Variants in ALOX15B observed in about 807,000 individuals in gnomAD.
The protein encoded by ALOX15B is polyunsaturated fatty acid lipoxygenase ALOX15B.
ALOX15B carries 74 observed loss-of-function variants against 73.8 expected under a neutral mutation model. That is an observed-to-expected ratio of 1.00 (90% CI 0.83 to 1.22). The LOEUF is 1.22. Ranked by LOEUF, ALOX15B falls within the 50% of genes most tolerant of loss-of-function variation. The pLI, the probability that ALOX15B is intolerant of heterozygous loss-of-function variation, is 0.00. For synonymous variants in ALOX15B, 353 were observed against 357.2 expected, an observed-to-expected ratio of 0.99 and a Z score of 0.13; for missense variants, 896 against 859.9, an observed-to-expected ratio of 1.04 and a Z score of -0.52.
intron 5 of ALOX15B, among the ~76,000 whole-genome samples, chr17:8,043,281 G>C (rs1319222468): frequency 6.6e-6 from 1 of 152,210 alleles, no homozygotes; most frequent in Non-Finnish European, 1.5e-5. Context: ...CCCCAGGAAA[G>C]CTCTCCCAAG....
chr17:8,042,591 G>A, intron 4 of ALOX15B, 100 bp downstream of exon 4: 1 of 1,507,952 alleles, frequency 6.6e-7, no homozygotes, highest in Non-Finnish European at 9.1e-7. Flanking sequence ...AGTGATATGA[G>A]TCACATAGTC....
In ALOX15B at chr17:8,039,532, G is replaced by GA; in HGVS notation, c.294_295insA (p.Gly99ArgfsTer66). On this transcript the variant is annotated frameshift_variant, in exon 2 of 14. Transcript: ENST00000380183. LOFTEE classifies it high-confidence loss of function. ...GCTGGTTCCAGCTGACACCGCCGCG[G>GA]GGCGGCCACCTCCTCTTCCCCTGCT... 13 of 1,549,260 alleles carry GA rather than the reference G, an allele frequency of 8.4e-6. No homozygotes were observed. Among genetic ancestry groups the GA allele is most frequent in the Non-Finnish European group, 9.6e-6 (11 of 1,151,204 alleles).
At position 8,046,766 on chromosome 17, in the gene ALOX15B, G is replaced by A. The variant is rs369973254; in HGVS notation, c.1287+12G>A. ...AGGTGGTGGACAGGGTGAGAGCTGT[G>A]TTGGGGAGGGAGTAGGCAGGCCACT... is the stretch of plus-strand genomic sequence containing the variant. On this transcript the variant is annotated intron_variant, in intron 9 of 13. Transcript: ENST00000380183. 14 of 1,613,472 alleles carry A rather than the reference G, an allele frequency of 8.7e-6. No homozygotes were observed. The African/African-American group carries it at 1.5e-4, about 17-fold the overall frequency.
At position 8,045,329 on chromosome 17, in the gene ALOX15B, T is replaced by C; in HGVS notation, c.941T>C (p.Met314Thr). ...AAGCCTCAGTTCTCTGCGGCCCCAA[T>C]GACCCTGCTATACCAGAGCCCAGGC... is the stretch of plus-strand genomic sequence containing the variant. ...NGKPQFSAAP[M>T]TLLYQSPGCG... Residue 314 changes from methionine (M) to threonine (T), a missense_variant, in exon 7 of 14, where the codon ATG (methionine) becomes ACG (threonine). Physicochemically the swap from Met to Thr is moderately conservative, Grantham distance 81 (BLOSUM62 -1). Coordinates refer to ENST00000380183, the MANE Select transcript of ALOX15B (RefSeq NM_001141.3). 1 of 1,614,186 alleles carries C rather than the reference T, an allele frequency of 6.2e-7. No homozygotes were observed. The highest frequency in any genetic ancestry group is 8.5e-7 in the Non-Finnish European group (1 of 1,180,028).
chr17:8,048,642 ACTCCTC>A lies in ALOX15B; in HGVS notation c.*78_*83del. ...GGATAACTGGCACCCAGAGAAAAGG[ACTCCTC>A]AGAAAAAACAGGCCCCCATGTGCCT... On this transcript the variant is annotated 3_prime_UTR_variant, in exon 14 of 14. Transcript: ENST00000380183. 6.7e-7 allele frequency: 1 copy of A among 1,501,932 alleles called. No individual in the cohort carries two copies. Among genetic ancestry groups the A allele is most frequent in the Admixed American group, 2.1e-5 (1 of 47,136 alleles). The allele number at this position is 1,501,932 out of a possible 1,614,324, so 93.0% of individuals were successfully genotyped here. A position where few individuals can be genotyped will look rare whatever the true frequency, so the allele number is the denominator to read the frequency against.
In ALOX15B at chr17:8,045,291, T is replaced by C. The variant is rs1976574828; in HGVS notation, c.903T>C (p.Asn301=). 1.9e-6 allele frequency: 3 copies of C among 1,614,064 alleles called. No homozygotes were observed. Among genetic ancestry groups the C allele is most frequent in the Admixed American group, 1.7e-5 (1 of 59,994 alleles). Residue 301 remains asparagine (N), a synonymous_variant, in exon 7 of 14, where the codon AAT becomes AAC. Transcript: ENST00000380183. ...GCATCCTCTCTGGCATCCAGACCAA[T>C]GTCATTAATGGGAAGCCTCAGTTCT... is the stretch of plus-strand genomic sequence containing the variant. ...DHGILSGIQT[N]VINGKPQFSA...
Position 8,039,405 on chromosome 17 carries a change from C to A in ALOX15B, c.167C>A (p.Thr56Lys), listed in dbSNP as rs761412865. The A allele has an allele frequency of 6.2e-7, 1 of 1,612,744 alleles. No individual in the cohort carries two copies. Among genetic ancestry groups the A allele is most frequent in the African/African-American group, 1.3e-5 (1 of 74,922 alleles). The change falls in exon 2 of 14, where the codon ACG (threonine) becomes AAG (lysine). Residue 56 changes from threonine (T) to lysine (K), a missense_variant. Physicochemically the swap from Thr to Lys is moderately conservative, Grantham distance 78. Transcript: ENST00000380183. ...CCTCAGGAGGAGGACTTCCAGGTGA[C>A]GCTCCCGGAGGACGTAGGCCGAGTG... Reference protein sequence around the residue: ...TAGAEEDFQVTLPEDVGRVLL... With the variant: ...TAGAEEDFQVKLPEDVGRVLL...
intron 5 of ALOX15B, 35 bp from the exon 6 acceptor site, chr17:8,044,794 A>G: frequency 1.2e-6 from 1 of 868,028 alleles, no homozygotes; most frequent in Non-Finnish European, 1.7e-6. Flanking sequence ...CACGCATTTG[A>G]GTGACCCCGT....
chr17:8,039,509 T>A lies in ALOX15B; in HGVS notation c.271T>A (p.Trp91Arg), dbSNP rs372064944. 3.8e-6 allele frequency: 6 copies of A among 1,565,012 alleles called. No individual in the cohort carries two copies. In the African/African-American group the frequency reaches 8.2e-5, roughly 21 times the overall value. Reference sequence around the variant, plus strand: ...GGCCCCGGATGCCTGGTTCTGCCGCTGGTTCCAGCTGACACCGCCGCGGGG... The same window carrying A: ...GGCCCCGGATGCCTGGTTCTGCCGCAGGTTCCAGCTGACACCGCCGCGGGG... ...PLAPDAWFCR[W>R]FQLTPPRGGH... The change falls in exon 2 of 14, where the codon TGG (tryptophan) becomes AGG (arginine). Residue 91 changes from tryptophan (W) to arginine (R), a missense_variant. Physicochemically the swap from Trp to Arg is moderately radical, Grantham distance 101 (BLOSUM62 -3). Coordinates refer to ENST00000380183, the MANE Select transcript of ALOX15B (RefSeq NM_001141.3).
At position 8,047,324 on chromosome 17, in the gene ALOX15B, C is replaced by A; in HGVS notation, c.1524C>A (p.Leu508=). 6.2e-7 allele frequency: 1 copy of A among 1,614,088 alleles called. No homozygotes were observed. The highest frequency in any genetic ancestry group is 8.5e-7 in the Non-Finnish European group (1 of 1,179,998). Residue 508 remains leucine (L), a synonymous_variant, in exon 11 of 14, where the codon CTC becomes CTA. Transcript: ENST00000380183. The part of the protein sequence containing the change: ...SDESVQDDRE[L]QAWVREIFSK... ...AGTCTGTCCAAGATGACAGAGAGCT[C>A]CAGGCCTGGGTCAGAGAGATCTTCT...
At chr17:8,040,807 G>A (rs1017208846) in intron 3 of ALOX15B, among the ~76,000 whole-genome samples, 1 of 152,124 alleles carries the variant, frequency 6.6e-6, no homozygotes, top group Non-Finnish European at 1.5e-5. Context: ...ACCCTCCAGG[G>A]CTAGCAAGGG....
rs774877150 is a variant in ALOX15B at position 8,046,649 on chromosome 17, C to T, written c.1201-19C>T. The T allele has an allele frequency of 7.0e-5, 113 of 1,610,844 alleles. No individual in the cohort carries two copies. The highest frequency in any genetic ancestry group is 9.0e-5 in the Non-Finnish European group (106 of 1,178,666). On this transcript the variant is annotated intron_variant, in intron 8 of 13. Transcript: ENST00000380183. ...ACAACCCAGGCCTCCCCTAGCTCTG[C>T]CATTTTCCTGCCATGCAGCTGCTGA...
In ALOX15B at chr17:8,046,920, G is replaced by T; in HGVS notation, c.1301G>T (p.Gly434Val). The change falls in exon 10 of 14, where the codon GGC (glycine) becomes GTC (valine). Residue 434 changes from glycine (G) to valine (V), a missense_variant. Transcript: ENST00000380183. Reference sequence around the variant, plus strand: ...CCTGTCTCTCAGTCCACAGGCATCGGCATTGAAGGCTTCTCTGAGTTGATA... The same window carrying T: ...CCTGTCTCTCAGTCCACAGGCATCGTCATTGAAGGCTTCTCTGAGTTGATA... ...GQVVDRSTGI[G>V]IEGFSELIQR... 6.2e-7 allele frequency: 1 copy of T among 1,614,154 alleles called. No homozygotes were observed. The highest frequency in any genetic ancestry group is 8.5e-7 in the Non-Finnish European group (1 of 1,180,014).
intron 3 of ALOX15B, among the ~76,000 whole-genome samples, chr17:8,041,129 C>T (rs1976453649): frequency 6.6e-6 from 1 of 152,150 alleles, no homozygotes; most frequent in African/African-American, 2.4e-5. Context: ...AATCTGGCAG[C>T]AACAGCCCCA....
chr17:8,048,593 C>T lies in ALOX15B; in HGVS notation c.*28C>T, dbSNP rs1192400430. ...CCCAGGGGAACACAGGCCCAGATGA[C>T]ATCCCTTTGACCACATCGCTCTAGG... On this transcript the variant is annotated 3_prime_UTR_variant, in exon 14 of 14. Coordinates refer to ENST00000380183, the MANE Select transcript of ALOX15B (RefSeq NM_001141.3). 1.2e-6 allele frequency: 2 copies of T among 1,607,890 alleles called. No individual in the cohort carries two copies. The highest frequency in any genetic ancestry group is 1.1e-5 in the South Asian group (1 of 90,434).
chr17:8,039,927 C>T lies in ALOX15B; in HGVS notation c.393C>T (p.His131=), dbSNP rs1976389742. ...CCAAGGTGTCCTGGGCAGACCACCACCCTGTGCTCCAGCAACAGCGCCAGG... is the reference window on the plus strand; with the variant it reads ...CCAAGGTGTCCTGGGCAGACCACCATCCTGTGCTCCAGCAACAGCGCCAGG... ...GTAKVSWADH[H]PVLQQQRQEE... is the part of the protein sequence containing the mutation. The change falls in exon 3 of 14, where the codon CAC becomes CAT. Residue 131 remains histidine (H), a synonymous_variant. Coordinates refer to ENST00000380183, the MANE Select transcript of ALOX15B (RefSeq NM_001141.3). The T allele has an allele frequency of 6.2e-7, 1 of 1,613,728 alleles. No homozygotes were observed. Among genetic ancestry groups the T allele is most frequent in the Non-Finnish European group, 8.5e-7 (1 of 1,179,854 alleles).
intron 3 of ALOX15B, among the ~76,000 whole-genome samples, chr17:8,040,656 G>GAAAGA (rs1976439882): frequency 5.9e-5 from 7 of 118,474 alleles, no homozygotes; most frequent in Non-Finnish European, 1.1e-4. Flanking sequence ...AGAAAGAAAA[G>GAAAGA]AAAGAGAAAG....
At chr17:8,042,992 A>G (rs1976504001) in intron 5 of ALOX15B, 108 bp downstream of exon 5, 2 of 879,572 alleles carry the variant, frequency 2.3e-6, no homozygotes, top group Non-Finnish European at 3.6e-6. Flanking sequence ...AACCCTGATC[A>G]GGTCCTTGCT....
chr17:8,042,000 C>A (rs955308382), intron 3 of ALOX15B, among the ~76,000 whole-genome samples: 8 of 152,320 alleles, frequency 5.3e-5, no homozygotes, highest in Non-Finnish European at 1.2e-4. Context: ...GAATTGTCCA[C>A]CCAGTGGAAA....
Sources: gnomAD v4.1 joint callset for allele counts (sites outside exome capture counted in the v4.1 genomes callset) on GRCh38, gnomAD v4.1.1 for gene constraint, MANE v1.5 for transcripts, NCBI Gene and HGNC (gene_info 2026-07-23, HGNC 2026-07-21) for gene names.